CSMD1: variants seen among roughly 807,000 people sequenced by gnomAD.
CSMD1 encodes CUB and sushi domain-containing protein 1.
A neutral mutation model predicts 417.5 loss-of-function variants in CSMD1; 213 were observed. The observed-to-expected ratio is 0.51, with a 90% CI of 0.46 to 0.57. CSMD1 has a LOEUF of 0.57. Among genes scored for constraint, CSMD1 ranks in the 20% least tolerant of loss-of-function variants. CSMD1 has a pLI of 0.00. For synonymous variants in CSMD1, 2,862 were observed against 1,736.8 expected (o/e 1.65, Z -16.11); for missense variants, 6,923 against 4,529.7 (o/e 1.53, Z -15.17).
chr8:4,705,417 A>G (rs1273192623), intron 1 of CSMD1, among the ~76,000 whole-genome samples: 1 of 152,192 alleles, frequency 6.6e-6, no homozygotes, highest in Non-Finnish European at 1.5e-5. Context: ...CAAAGACACA[A>G]AACCCTAATC....
chr8:4,624,813 A>C (rs1406113904), intron 2 of CSMD1, among the ~76,000 whole-genome samples: 4 of 152,128 alleles, frequency 2.6e-5, no homozygotes, highest in African/African-American at 4.8e-5. Context: ...AGTGACCCAC[A>C]CAGACCTCAG....
intron 2 of CSMD1, among the ~76,000 whole-genome samples, chr8:4,633,367 C>T (rs927304088): frequency 1.3e-5 from 2 of 151,846 alleles, no homozygotes; most frequent in Non-Finnish European, 2.9e-5. Flanking sequence ...CTGCCTCACC[C>T]TCCCTAGTAG....
chr8:3,389,826 T>G (rs1406030027), intron 17 of CSMD1, among the ~76,000 whole-genome samples: 1 of 152,222 alleles, frequency 6.6e-6, no homozygotes, highest in Non-Finnish European at 1.5e-5. Context: ...CAATTGATGC[T>G]TAGTTCCAAT....
chr8:4,454,861 G>A (rs1035271775), intron 2 of CSMD1, among the ~76,000 whole-genome samples: 1 of 152,128 alleles, frequency 6.6e-6, no homozygotes. Context: ...TAGTTTTAAA[G>A]AAACTTAATC....
rs530420361 is a variant in CSMD1, at chr8:3,854,176, G to A, written c.819-100134C>T. Among the ~76,000 whole-genome samples, 419 of 144,186 alleles carry A rather than the reference G, an allele frequency of 2.9e-3. 3 individuals carry two copies. The highest frequency in any genetic ancestry group is 0.01 in the African/African-American group (395 of 39,456). The allele number at this position is 144,186 out of a possible 152,430, so 94.6% of individuals were successfully genotyped here. On this transcript the variant is annotated intron_variant, in intron 5 of 69. Coordinates refer to ENST00000635120, the MANE Select transcript of CSMD1 (RefSeq NM_033225.6). ...AATAATAATAAAAAAAAAAAAACACGTCTTGGAAATGGACCAATTCTCATG... is the reference window on the plus strand; with the variant it reads ...AATAATAATAAAAAAAAAAAAACACATCTTGGAAATGGACCAATTCTCATG...
chr8:4,425,926 C>CA (rs34775032), intron 2 of CSMD1, among the ~76,000 whole-genome samples: 68 of 151,884 alleles, frequency 4.5e-4, no homozygotes, highest in African/African-American at 1.2e-3. Flanking sequence ...TAGTGTTTTA[C>CA]AAAAAATACA....
At chr8:4,920,061 A>G (rs10109484) in intron 1 of CSMD1, among the ~76,000 whole-genome samples, 4,015 of 152,290 alleles carry the variant, frequency 0.026, 116 homozygotes, top group African/African-American at 0.075. Context: ...CTAAGACAGT[A>G]GAGGAAAATA....
intron 26 of CSMD1, among the ~76,000 whole-genome samples, chr8:3,230,852 A>G (rs569983774): frequency 2.0e-5 from 3 of 152,328 alleles, no homozygotes; most frequent in African/African-American, 7.2e-5. Flanking sequence ...AAAAGCTCTG[A>G]AAATAATATC....
At chr8:4,460,511 C>T (rs573923069) in intron 2 of CSMD1, among the ~76,000 whole-genome samples, 27 of 151,828 alleles carry the variant, frequency 1.8e-4, no homozygotes, top group East Asian at 5.8e-4. Context: ...AAAAAATGAA[C>T]GTAAGCAAAT....
intron 1 of CSMD1, among the ~76,000 whole-genome samples, chr8:4,637,825 C>G (rs1015224088): frequency 6.6e-6 from 1 of 151,592 alleles, no homozygotes; most frequent in Non-Finnish European, 1.5e-5. Flanking sequence ...CGCCCGCCAC[C>G]GCGCCCGGCT....
chr8:4,563,373 C>T (rs1166660591), intron 2 of CSMD1, among the ~76,000 whole-genome samples: 2 of 152,072 alleles, frequency 1.3e-5, no homozygotes, highest in African/African-American at 2.4e-5. Flanking sequence ...TGCACTCCAG[C>T]CTGGGTAACA....
chr8:4,467,302 G>A (rs1039625181), intron 2 of CSMD1, among the ~76,000 whole-genome samples: 1 of 152,234 alleles, frequency 6.6e-6, no homozygotes, highest in African/African-American at 2.4e-5. Flanking sequence ...AAGGAAAGGA[G>A]GAGTCACTAT....
chr8:3,768,352 T>G (rs531051528), intron 5 of CSMD1, among the ~76,000 whole-genome samples: 1 of 152,200 alleles, frequency 6.6e-6, no homozygotes, highest in African/African-American at 2.4e-5. Context: ...ATCTTCAATA[T>G]GATTGGGAAA....
chr8:4,415,226 T>G (rs968753704), intron 3 of CSMD1, among the ~76,000 whole-genome samples: 11 of 152,132 alleles, frequency 7.2e-5, no homozygotes, highest in Admixed American at 5.9e-4. Context: ...CGCTCCCCAC[T>G]GAACTCAGCC....
intron 37 of CSMD1, among the ~76,000 whole-genome samples, chr8:3,179,902 A>C (rs1315153888): frequency 1.3e-5 from 2 of 152,232 alleles, no homozygotes; most frequent in Non-Finnish European, 2.9e-5. Flanking sequence ...CATAATAAGC[A>C]GGAAAATTTA....
rs186219327 is a variant in CSMD1 at position 4,214,770 on chromosome 8, G to A, written c.416-182671C>T. 7.2e-5 allele frequency among the ~76,000 whole-genome samples: 11 copies of A among 152,242 alleles called. No homozygotes were observed. The East Asian group carries it at 1.9e-3, about 27-fold the overall frequency. Reference sequence around the variant, plus strand: ...ATTTGACATATTTCCTCTAAATGCTGTGATGCACATTTCAAATGTAGTATA... The same window carrying A: ...ATTTGACATATTTCCTCTAAATGCTATGATGCACATTTCAAATGTAGTATA... On this transcript the variant is annotated intron_variant, in intron 3 of 69. Transcript: ENST00000635120.
At chr8:4,890,359 G>A (rs940263030) in intron 1 of CSMD1, among the ~76,000 whole-genome samples, 2 of 152,106 alleles carry the variant, frequency 1.3e-5, no homozygotes, top group Admixed American at 6.5e-5. Context: ...GGCACATACA[G>A]GGGAGATGGC....
intron 40 of CSMD1, among the ~76,000 whole-genome samples, chr8:3,147,355 T>C (rs1247512389): frequency 6.6e-6 from 1 of 152,240 alleles, no homozygotes; most frequent in East Asian, 1.9e-4. Flanking sequence ...TTTTCTTAAA[T>C]AAGTAATATT....
chr8:4,147,653 T>A (rs549097202), intron 3 of CSMD1, among the ~76,000 whole-genome samples: 20 of 152,226 alleles, frequency 1.3e-4, no homozygotes, highest in Admixed American at 1.1e-3. Flanking sequence ...TTACTCTGAG[T>A]GCTGGCTCAT....
Sources: allele counts gnomAD v4.1 joint callset (sites outside exome capture counted in the v4.1 genomes callset), GRCh38; gene constraint gnomAD v4.1.1; transcripts MANE v1.5; gene names NCBI Gene and HGNC (gene_info 2026-07-23, HGNC 2026-07-21).